Variants in PHF20 observed in about 807,000 individuals in gnomAD.
PHF20 encodes the protein glioma-expressed antigen 2.
PHF20 carries 23 observed loss-of-function variants against 113.5 expected under a neutral mutation model. The ratio of observed to expected loss-of-function variants is 0.20; its 90% CI spans 0.15 to 0.29. The LOEUF (loss-of-function observed/expected upper bound fraction) is 0.29, where lower values mean the gene tolerates loss of function less well. Ranked by LOEUF, PHF20 falls within the 10% of genes least tolerant of loss-of-function variation. The pLI is 1.00. For synonymous variants in PHF20, 434 were observed against 457.3 expected (o/e 0.95, Z 0.65); for missense variants, 943 against 1,219.6 (o/e 0.77, Z 3.38).
intron 2 of PHF20, among the ~76,000 whole-genome samples, chr20:35,804,419 G>A (rs1402736969): frequency 6.6e-6 from 1 of 151,740 alleles, no homozygotes; most frequent in Non-Finnish European, 1.5e-5. Context: ...TATTTTTTTA[G>A]TAGAGACGGG....
At chr20:35,832,177 G>A (rs1291349983) in intron 2 of PHF20, among the ~76,000 whole-genome samples, 2 of 152,102 alleles carry the variant, frequency 1.3e-5, no homozygotes, top group African/African-American at 4.8e-5. Flanking sequence ...GCTGGAAAAT[G>A]CCTACTCATC....
chr20:35,808,336 C>T (rs2041920317), intron 2 of PHF20, among the ~76,000 whole-genome samples: 1 of 151,998 alleles, frequency 6.6e-6, no homozygotes, highest in South Asian at 2.1e-4. Flanking sequence ...TGATAGCAGC[C>T]TTCCATAGTT....
chr20:35,787,158 ATTATTTATTTAT>A (rs58760101), intron 1 of PHF20, among the ~76,000 whole-genome samples: 7,063 of 143,898 alleles, frequency 0.049, 209 homozygotes, highest in African/African-American at 0.092. Context: ...TGCCTGGCTA[ATTATTTATTTAT>A]TTATTTATTT....
intron 10 of PHF20, among the ~76,000 whole-genome samples, 193 bp downstream of exon 10, chr20:35,899,841 CTG>C (rs768640069): frequency 7.9e-5 from 12 of 152,194 alleles, no homozygotes; most frequent in Non-Finnish European, 1.6e-4. Context: ...GAACACCTAA[CTG>C]AGAATTACCT....
intron 15 of PHF20, among the ~76,000 whole-genome samples, chr20:35,933,189 A>C (rs2055795127): frequency 6.6e-6 from 1 of 151,028 alleles, no homozygotes; most frequent in South Asian, 2.1e-4. Context: ...GCGATCATCA[A>C]GCACTGCAGC....
At chr20:35,819,437 T>A (rs182186957) in intron 2 of PHF20, among the ~76,000 whole-genome samples, 99 of 152,290 alleles carry the variant, frequency 6.5e-4, no homozygotes, top group Middle Eastern at 6.8e-3. Flanking sequence ...ACGAAAAAGC[T>A]CCTTCTGTTG....
At chr20:35,944,284 C>G (rs1047436549) in intron 17 of PHF20, among the ~76,000 whole-genome samples, 3 of 152,194 alleles carry the variant, frequency 2.0e-5, no homozygotes, top group African/African-American at 7.2e-5. Context: ...CAGCTTCCAT[C>G]TCAGGAACTC....
rs1178229307 is a variant in PHF20, at chr20:35,927,819, GGAT to G, written c.2045_2047del (p.Gly682_Leu683delinsVal). 6.2e-7 allele frequency: 1 copy of G among 1,614,042 alleles called. No homozygotes were observed. The highest frequency in any genetic ancestry group is 1.7e-5 in the Admixed American group (1 of 60,024). On this transcript the variant is annotated inframe_deletion, in exon 14 of 18. Coordinates refer to ENST00000374012, the MANE Select transcript of PHF20 (RefSeq NM_016436.5). ...GTGCTGGCAGCATGGGGTCTGCATG[GGAT>G]TACTGGAAGAAAATGTGCCCGAGAA...
In PHF20 at chr20:35,938,936, A is replaced by G. The variant is rs1348309875; in HGVS notation, c.2540A>G (p.Tyr847Cys). Residue 847 changes from tyrosine to cysteine, a missense_variant, in exon 16 of 18, where the codon TAT becomes TGT. Tyr to Cys is a radical substitution (Grantham distance 194). This residue lies in a region of PHF20 where 349 missense variants were observed against 412.3 expected (regional missense o/e 0.85). Coordinates refer to ENST00000374012, the MANE Select transcript of PHF20 (RefSeq NM_016436.5). ...CATTGCTACCAGAAGCCCCGCGCCT[A>G]TTACCCTGCCGTGGAGCAGAAGCTG... ...SEHCYQKPRA[Y>C]YPAVEQKLVV... is the part of the protein sequence containing the mutation. 2.5e-6 allele frequency: 4 copies of G among 1,614,178 alleles called. No individual in the cohort carries two copies. The highest frequency in any genetic ancestry group is 3.4e-6 in the Non-Finnish European group (4 of 1,180,028).
chr20:35,889,884 T>C (rs1262028814), intron 9 of PHF20, among the ~76,000 whole-genome samples: 3 of 151,892 alleles, frequency 2.0e-5, no homozygotes, highest in East Asian at 1.9e-4. Context: ...TGCACCACCA[T>C]GCCTGGCTAA....
chr20:35,943,237 A>G (rs1170954447), intron 17 of PHF20, among the ~76,000 whole-genome samples: 1 of 152,096 alleles, frequency 6.6e-6, no homozygotes, highest in Non-Finnish European at 1.5e-5. Flanking sequence ...AATCCTAGCT[A>G]CTTGGGAGGC....
intron 2 of PHF20, among the ~76,000 whole-genome samples, chr20:35,836,485 T>C (rs1433598873): frequency 6.6e-6 from 1 of 152,220 alleles, no homozygotes; most frequent in African/African-American, 2.4e-5. Context: ...TTTGTGGGTG[T>C]GCCATAGCAG....
intron 4 of PHF20, chr20:35,850,778 G>A: frequency 1.5e-6 from 1 of 684,184 alleles, no homozygotes; most frequent in Non-Finnish European, 2.6e-6. Flanking sequence ...TACAGAAAGT[G>A]GGTCCACTAG....
chr20:35,883,098 C>T (rs2054664489), intron 9 of PHF20, among the ~76,000 whole-genome samples: 1 of 151,898 alleles, frequency 6.6e-6, no homozygotes, highest in African/African-American at 2.4e-5. Flanking sequence ...CCTGTAGTCC[C>T]AGCTACTCGG....
At chr20:35,838,951 G>T (rs2042491811) in intron 2 of PHF20, among the ~76,000 whole-genome samples, 3 of 150,456 alleles carry the variant, frequency 2.0e-5, no homozygotes, top group South Asian at 4.2e-4. Flanking sequence ...CCATGGTGGT[G>T]CCACTGCACT....
intron 10 of PHF20, among the ~76,000 whole-genome samples, chr20:35,912,400 G>A (rs139670956): frequency 2.0e-4 from 31 of 152,284 alleles, no homozygotes; most frequent in African/African-American, 5.5e-4. Flanking sequence ...TGGACAGGGA[G>A]GATTGACATC....
intron 1 of PHF20, among the ~76,000 whole-genome samples, chr20:35,791,744 C>A (rs2041559758): frequency 6.6e-6 from 1 of 151,710 alleles, no homozygotes; most frequent in Admixed American, 6.6e-5. Flanking sequence ...CTGAACTGGG[C>A]ATCCACTTGG....
chr20:35,828,610 A>C (rs764949840), intron 2 of PHF20, among the ~76,000 whole-genome samples: 2 of 152,196 alleles, frequency 1.3e-5, no homozygotes, highest in Non-Finnish European at 2.9e-5. Flanking sequence ...TAGGGCAGGC[A>C]TGTCAACACT....
chr20:35,937,601 A>G (rs1259132276), intron 15 of PHF20, among the ~76,000 whole-genome samples: 1 of 152,186 alleles, frequency 6.6e-6, no homozygotes, highest in Non-Finnish European at 1.5e-5. Flanking sequence ...AATGTTTCTT[A>G]TCAGACCTAA....
Sources: gnomAD v4.1 joint callset for allele counts (sites outside exome capture counted in the v4.1 genomes callset) on GRCh38, gnomAD v4.1.1 for gene constraint, gnomAD v4.1.1 regional missense constraint, MANE v1.5 for transcripts, NCBI Gene and HGNC (gene_info 2026-07-23, HGNC 2026-07-21) for gene names.